CAMTA1: variants seen among roughly 807,000 people sequenced by gnomAD.
The protein encoded by CAMTA1 is calmodulin-binding transcription activator 1.
Under a neutral mutation model 170.9 loss-of-function variants are expected in CAMTA1, and 27 were observed. That is an observed-to-expected ratio of 0.16 (90% CI 0.12 to 0.22). CAMTA1 has a LOEUF of 0.22. Among genes scored for constraint, CAMTA1 ranks in the 10% least tolerant of loss-of-function variants. The pLI is 1.00. For missense variants in CAMTA1, 1,619 were observed against 2,217.2 expected (o/e 0.73, Z 5.42); for synonymous variants, 833 against 891.5 (o/e 0.93, Z 1.17).
chr1:7,323,158 C>T (rs1678717265), intron 5 of CAMTA1, among the ~76,000 whole-genome samples: 2 of 151,632 alleles, frequency 1.3e-5, no homozygotes, highest in African/African-American at 2.4e-5. Context: ...AACTTTTTTC[C>T]TCAAAGTACT....
chr1:7,245,805 T>A (rs1412980396), intron 4 of CAMTA1, among the ~76,000 whole-genome samples: 1 of 151,968 alleles, frequency 6.6e-6, no homozygotes, highest in Admixed American at 6.6e-5. Context: ...AAGACTTGAG[T>A]GTGAACAGTT....
chr1:7,579,923 A>G (rs536068573), intron 6 of CAMTA1, among the ~76,000 whole-genome samples: 29 of 152,314 alleles, frequency 1.9e-4, no homozygotes, highest in African/African-American at 6.3e-4. Context: ...CTCCTGCGTC[A>G]CTGGGACAGT....
Position 7,653,161 on chromosome 1 carries a change from G to A in CAMTA1, c.665-8565G>A, listed in dbSNP as rs551257440. Reference sequence around the variant, plus strand: ...AAGTGTCAGGTGATTCTAGTGCTGCGGGGGCCACACTTTGAGAACCACTGC... The same window carrying A: ...AAGTGTCAGGTGATTCTAGTGCTGCAGGGGCCACACTTTGAGAACCACTGC... On this transcript the variant is annotated intron_variant, in intron 7 of 22. Coordinates refer to ENST00000303635, the MANE Select transcript of CAMTA1 (RefSeq NM_015215.4). Among the ~76,000 whole-genome samples the A allele has an allele frequency of 6.0e-4, 92 of 152,288 alleles. 1 individual carries two copies. The highest frequency in any genetic ancestry group is 1.9e-3 in the South Asian group (9 of 4,822).
At chr1:7,260,802 A>G (rs1003700985) in intron 5 of CAMTA1, among the ~76,000 whole-genome samples, 2 of 152,246 alleles carry the variant, frequency 1.3e-5, no homozygotes, top group African/African-American at 2.4e-5. Context: ...AGCACGAGAA[A>G]ACTGGAGAGG....
intron 3 of CAMTA1, among the ~76,000 whole-genome samples, chr1:7,015,417 A>G (rs1207170750): frequency 6.6e-6 from 1 of 152,144 alleles, no homozygotes; most frequent in African/African-American, 2.4e-5. Flanking sequence ...GTGTGTCTTC[A>G]GGGTCTGGTC....
At position 7,665,257 on chromosome 1, in the gene CAMTA1, C is replaced by T. The variant is rs1283909341; in HGVS notation, c.2652+58C>T. 6.6e-6 allele frequency: 9 copies of T among 1,356,134 alleles called. No homozygotes were observed. The highest frequency in any genetic ancestry group is 5.8e-5 in the African/African-American group (4 of 68,568). 84.0% of individuals were successfully genotyped at this position (1,356,134 alleles called of 1,614,324 possible). Reference sequence around the variant, plus strand: ...TCCCCTCCCACCCACCTCGCCAGCCCCTGCGCCACCCTGCAGCTAAGGGAT... The same window carrying T: ...TCCCCTCCCACCCACCTCGCCAGCCTCTGCGCCACCCTGCAGCTAAGGGAT... On this transcript the variant is annotated intron_variant, in intron 9 of 22. Transcript: ENST00000303635. This position sits in a 1 kb window ranked among gnomAD's most constrained non-coding sequence, Gnocchi z 4.3.
rs116674161 is a variant in CAMTA1 at position 6,931,684 on chromosome 1, G to A, written c.234+106474G>A. 3.5e-3 allele frequency among the ~76,000 whole-genome samples: 532 copies of A among 152,304 alleles called. 5 individuals carry two copies. The highest frequency in any genetic ancestry group is 0.011 in the African/African-American group (466 of 41,560). ...CATTCATGGGATTTGCCTACGCTACGTGGCTGGGCTGCCTCGCTGTGCACA... is the reference window on the plus strand; with the variant it reads ...CATTCATGGGATTTGCCTACGCTACATGGCTGGGCTGCCTCGCTGTGCACA... On this transcript the variant is annotated intron_variant, in intron 3 of 22. Coordinates refer to ENST00000303635, the MANE Select transcript of CAMTA1 (RefSeq NM_015215.4).
intron 5 of CAMTA1, among the ~76,000 whole-genome samples, chr1:7,467,581 A>G (rs577697351): frequency 5.9e-5 from 9 of 152,264 alleles, no homozygotes; most frequent in Admixed American, 1.3e-4. Flanking sequence ...CGACGCCTCT[A>G]TGGCTCCCGG....
At chr1:6,969,515 GT>G (rs1692177852) in intron 3 of CAMTA1, among the ~76,000 whole-genome samples, 1 of 152,322 alleles carries the variant, frequency 6.6e-6, no homozygotes, top group South Asian at 2.1e-4. Context: ...AGATGATGTA[GT>G]GGGAACTGGT....
intron 5 of CAMTA1, among the ~76,000 whole-genome samples, chr1:7,308,270 T>G (rs957630388): frequency 4.6e-5 from 7 of 151,980 alleles, no homozygotes; most frequent in African/African-American, 1.4e-4. Context: ...TGTGGAGAAG[T>G]TTATTAATCT....
rs1684880013 is a variant in CAMTA1, at chr1:6,934,020, G to A, written c.234+108810G>A. Among the ~76,000 whole-genome samples, 1 of 152,148 alleles carries A rather than the reference G, an allele frequency of 6.6e-6. No homozygotes were observed. The highest frequency in any genetic ancestry group is 2.4e-5 in the African/African-American group (1 of 41,428). ...TCAGTTTCCAGCACAAAGCCTGCTGGGATTTTGATTGGGATTGAGCCTCAC... is the reference window on the plus strand; with the variant it reads ...TCAGTTTCCAGCACAAAGCCTGCTGAGATTTTGATTGGGATTGAGCCTCAC... On this transcript the variant is annotated intron_variant, in intron 3 of 22. Coordinates refer to ENST00000303635, the MANE Select transcript of CAMTA1 (RefSeq NM_015215.4). This position sits in a 1 kb window ranked among gnomAD's most constrained non-coding sequence, Gnocchi z 4.5.
intron 3 of CAMTA1, among the ~76,000 whole-genome samples, chr1:6,904,248 C>T (rs1203909727): frequency 6.6e-6 from 1 of 152,192 alleles, no homozygotes; most frequent in East Asian, 1.9e-4. Context: ...TCTTTTCAGC[C>T]CTCATCCTTC....
chr1:7,121,107 C>T (rs780626421), intron 4 of CAMTA1, among the ~76,000 whole-genome samples: 6 of 152,212 alleles, frequency 3.9e-5, no homozygotes, highest in Non-Finnish European at 7.3e-5. Context: ...CCAAGAGAAG[C>T]TGCATCAACC....
chr1:7,303,415 T>G (rs909927872), intron 5 of CAMTA1, among the ~76,000 whole-genome samples: 2 of 152,216 alleles, frequency 1.3e-5, no homozygotes, highest in Admixed American at 1.3e-4. Context: ...CATACACACA[T>G]GCACAAATAT....
At chr1:6,800,348 A>G (rs531323638) in intron 1 of CAMTA1, among the ~76,000 whole-genome samples, 4 of 152,288 alleles carry the variant, frequency 2.6e-5, no homozygotes, top group African/African-American at 7.2e-5. Context: ...TCAAGGCTGC[A>G]GTGAGCTACG....
intron 6 of CAMTA1, among the ~76,000 whole-genome samples, chr1:7,473,879 C>T (rs899110771): frequency 5.3e-5 from 8 of 152,258 alleles, no homozygotes; most frequent in African/African-American, 1.9e-4. Flanking sequence ...CTCTCTGAGC[C>T]GACTGCCTCT....
Position 7,641,491 on chromosome 1 carries a change from AAAGGTG to A in CAMTA1, c.664+944_664+949del, listed in dbSNP as rs1429942305. 2.0e-5 allele frequency among the ~76,000 whole-genome samples: 3 copies of A among 151,974 alleles called. No homozygotes were observed. The highest frequency in any genetic ancestry group is 4.2e-4 in the South Asian group (2 of 4,794). ...AAATATTCTTTCTGCGGCTGGGAGGAAAGGTGAAGGTCCTGTGCCTGGGAGGGCCCA... is the reference window on the plus strand; with the variant it reads ...AAATATTCTTTCTGCGGCTGGGAGGAAAGGTCCTGTGCCTGGGAGGGCCCA... On this transcript the variant is annotated intron_variant, in intron 7 of 22. Transcript: ENST00000303635. This position sits in a 1 kb window ranked among gnomAD's most constrained non-coding sequence, Gnocchi z 4.5.
At chr1:7,272,012 T>C (rs2149406790) in intron 5 of CAMTA1, among the ~76,000 whole-genome samples, 1 of 152,248 alleles carries the variant, frequency 6.6e-6, no homozygotes, top group South Asian at 2.1e-4. Flanking sequence ...TGGTGAATTC[T>C]ACCAAACATT....
chr1:7,470,183 G>A (rs1017224892), intron 6 of CAMTA1, among the ~76,000 whole-genome samples: 1 of 152,230 alleles, frequency 6.6e-6, no homozygotes, highest in Admixed American at 6.5e-5. Flanking sequence ...TCACAAAGAG[G>A]GAGCGCACAC....
Sources: gnomAD v4.1 joint callset for allele counts (sites outside exome capture counted in the v4.1 genomes callset) on GRCh38, gnomAD v4.1.1 for gene constraint, Gnocchi (gnomAD v3.1) non-coding constraint, MANE v1.5 for transcripts, NCBI Gene and HGNC (gene_info 2026-07-23, HGNC 2026-07-21) for gene names.